Variants in TBL1Y observed in about 807,000 individuals in gnomAD.
TBL1Y encodes the protein transducin beta like 1 Y-linked.
In TBL1Y, 15 loss-of-function variants were observed where a neutral mutation model predicts 12.0. The observed-to-expected ratio is 1.25, with a 90% confidence interval of 0.83 to 1.92. TBL1Y has a LOEUF of 1.92. TBL1Y is among the 40% of genes most tolerant of loss of function. TBL1Y has a pLI of 0.00. For synonymous variants in TBL1Y, 53 were observed against 42.6 expected (o/e 1.24, Z -0.95); for missense variants, 148 against 116.7 (o/e 1.27, Z -1.24).
chrY:7,064,528 G>T, intron 8 of TBL1Y, among the ~76,000 whole-genome samples: 1 of 33,639 alleles, frequency 3.0e-5, no homozygotes, highest in Non-Finnish European at 7.3e-5. Context: ...TTGAGTTCAT[G>T]GTTCCTGCCG....
intron 2 of TBL1Y, among the ~76,000 whole-genome samples, chrY:6,968,096 C>T (rs2012182807): frequency 3.0e-5 from 1 of 33,243 alleles, no homozygotes; most frequent in Non-Finnish European, 7.4e-5. Context: ...CTTATGAGGG[C>T]ACCAGTCCCT....
chrY:6,916,799 T>G, intron 2 of TBL1Y, among the ~76,000 whole-genome samples: 1 of 34,637 alleles, frequency 2.9e-5, no homozygotes, highest in Non-Finnish European at 7.2e-5. Context: ...GCTTGCTTAT[T>G]GGAACGATGT....
chrY:7,048,184 T>G, intron 7 of TBL1Y, among the ~76,000 whole-genome samples: 1 of 33,739 alleles, frequency 3.0e-5, no homozygotes, highest in Non-Finnish European at 7.3e-5. Flanking sequence ...ACAAACGCAG[T>G]ACAATTTTGG....
intron 2 of TBL1Y, among the ~76,000 whole-genome samples, chrY:6,912,657 C>T (rs2011703985): frequency 6.2e-5 from 2 of 32,191 alleles, no homozygotes; most frequent in Admixed American, 5.7e-4. Flanking sequence ...ATGCTGAAAC[C>T]GCGTCTTTAC....
At chrY:6,941,983 C>A (rs2124104833) in intron 2 of TBL1Y, among the ~76,000 whole-genome samples, 2 of 32,277 alleles carry the variant, frequency 6.2e-5, no homozygotes, top group Non-Finnish European at 1.5e-4. Context: ...TGGTGAAATC[C>A]CTTCTCTACT....
At chrY:7,033,148 G>A in intron 6 of TBL1Y, among the ~76,000 whole-genome samples, 1 of 32,948 alleles carries the variant, frequency 3.0e-5, no homozygotes, top group Non-Finnish European at 7.5e-5. Flanking sequence ...ATGATAAAGA[G>A]GATATCACTA....
chrY:7,074,714 G>T, intron 13 of TBL1Y, 94 bp downstream of exon 13: 2 of 258,660 alleles, frequency 7.7e-6, no homozygotes, highest in Non-Finnish European at 1.2e-5. Flanking sequence ...ACTTTTGAAG[G>T]CTGAGACGTG....
At chrY:7,084,774 G>A in intron 14 of TBL1Y, among the ~76,000 whole-genome samples, 1 of 33,384 alleles carries the variant, frequency 3.0e-5, no homozygotes, top group Non-Finnish European at 7.4e-5. Context: ...CAGCGGATGA[G>A]GAGCCCCTGG....
At chrY:6,997,843 A>G (rs768660558) in intron 4 of TBL1Y, among the ~76,000 whole-genome samples, 13 of 34,132 alleles carry the variant, frequency 3.8e-4, no homozygotes, top group South Asian at 6.5e-4. Context: ...TCAGTTATCT[A>G]TTGATTGCTG....
intron 7 of TBL1Y, among the ~76,000 whole-genome samples, chrY:7,049,210 T>C: frequency 3.8e-4 from 13 of 33,793 alleles, no homozygotes; most frequent in African/African-American, 1.5e-3. Context: ...GGACATGAAC[T>C]CATCCTTTTT....
At chrY:6,949,052 A>C in intron 2 of TBL1Y, among the ~76,000 whole-genome samples, 1 of 33,179 alleles carries the variant, frequency 3.0e-5, no homozygotes, top group Admixed American at 2.8e-4. Flanking sequence ...CCAACTTCCT[A>C]CTTGCTTTGG....
rs753142676 is a variant in TBL1Y at position 7,090,134 on chromosome Y, G to A, written c.1492G>A (p.Glu498Lys). 2.5e-6 allele frequency: 1 copy of A among 398,400 alleles called. No homozygotes were observed. Among genetic ancestry groups the A allele is most frequent in the Admixed American group, 7.4e-5 (1 of 13,541 alleles). Reference protein sequence around the residue: ...HSYQGTGGIFEVCWNARGDKV... With the variant: ...HSYQGTGGIFKVCWNARGDKV... ...CTACCAAGGCACTGGCGGTATCTTC[G>A]AGGTGTGCTGGAACGCCCGAGGAGA... Residue 498 changes from glutamate (E) to lysine (K), a missense_variant, in exon 18 of 19, where the codon GAG (glutamate) becomes AAG (lysine). Transcript: ENST00000383032.
intron 7 of TBL1Y, among the ~76,000 whole-genome samples, chrY:7,056,228 C>T (rs968757613): frequency 8.9e-5 from 3 of 33,887 alleles, no homozygotes; most frequent in Admixed American, 2.6e-4. Context: ...CTGAACCCAA[C>T]GAGTCATTTG....
Position 7,071,581 on chromosome Y carries a change from A to G in TBL1Y, c.754A>G (p.Met252Val). 1 of 397,567 alleles carries G rather than the reference A, an allele frequency of 2.5e-6. No homozygotes were observed. Among genetic ancestry groups the G allele is most frequent in the South Asian group, 3.0e-5 (1 of 33,397 alleles). ...DWNSDGTLLA[M>V]GSYDGFARIW... ...TCAGAGTGATGGAACACTATTGGCTATGGGTTCATATGATGGTTTCGCAAG... is the reference window on the plus strand; with the variant it reads ...TCAGAGTGATGGAACACTATTGGCTGTGGGTTCATATGATGGTTTCGCAAG... Residue 252 changes from methionine (M) to valine (V), a missense_variant, in exon 11 of 19, where the codon ATG (methionine) becomes GTG (valine). Coordinates refer to ENST00000383032, the MANE Select transcript of TBL1Y (RefSeq NM_033284.2).
intron 2 of TBL1Y, among the ~76,000 whole-genome samples, chrY:6,938,544 T>A: frequency 1.2e-4 from 4 of 33,628 alleles, no homozygotes; most frequent in Non-Finnish European, 2.9e-4. Context: ...CAACTCTCTT[T>A]CCATAGGCAC....
intron 8 of TBL1Y, among the ~76,000 whole-genome samples, chrY:7,064,468 G>C: frequency 6.0e-5 from 2 of 33,407 alleles, no homozygotes; most frequent in Admixed American, 2.7e-4. Flanking sequence ...TTTAGTCTCA[G>C]CCTCCAGCCC....
chrY:6,996,632 A>G (rs972206048), intron 4 of TBL1Y, among the ~76,000 whole-genome samples: 20 of 33,099 alleles, frequency 6.0e-4, no homozygotes, highest in Non-Finnish European at 1.4e-3. Flanking sequence ...TGAACCCAGG[A>G]GGCGGAGGTT....
chrY:6,987,168 G>C (rs2012325186), intron 3 of TBL1Y, among the ~76,000 whole-genome samples: 1 of 32,767 alleles, frequency 3.1e-5, no homozygotes, highest in Admixed American at 2.8e-4. Flanking sequence ...TTGACAACAC[G>C]TATAGATTCA....
At chrY:6,954,654 C>T in intron 2 of TBL1Y, among the ~76,000 whole-genome samples, 2 of 33,481 alleles carry the variant, frequency 6.0e-5, no homozygotes, top group South Asian at 1.4e-3. Flanking sequence ...TGCTTTGGCT[C>T]ATGCTTGGTG....
Sources: allele counts gnomAD v4.1 joint callset (sites outside exome capture counted in the v4.1 genomes callset), GRCh38; gene constraint gnomAD v4.1.1; transcripts MANE v1.5; gene names NCBI Gene and HGNC (gene_info 2026-07-23, HGNC 2026-07-21).